The following SPATA13 variants were observed in gnomAD, a reference collection of about 807,000 sequenced individuals.
SPATA13 encodes the protein spermatogenesis associated 13.
A neutral mutation model predicts 104.0 loss-of-function variants in SPATA13; 50 were observed. The ratio of observed to expected loss-of-function variants is 0.48; its 90% CI spans 0.38 to 0.61. SPATA13 has a LOEUF of 0.61. Among genes scored for constraint, SPATA13 ranks in the 20% least tolerant of loss-of-function variants. The probability of loss-of-function intolerance (pLI) is 0.00; values close to 1 mark genes in which losing one functional copy is unlikely to be tolerated. For missense variants in SPATA13, 1,524 were observed against 1,690.6 expected, an observed-to-expected ratio of 0.90 and a Z score of 1.73; for synonymous variants, 606 against 667.5, an observed-to-expected ratio of 0.91 and a Z score of 1.42.
intron 3 of SPATA13, chr13:24,122,588 A>T (rs1881069575): frequency 1.3e-6 from 2 of 1,525,108 alleles, no homozygotes; most frequent in African/African-American, 2.8e-5. Context: ...ATTTTGTTGC[A>T]TGACACTCTG....
intron 2 of SPATA13, among the ~76,000 whole-genome samples, chr13:24,226,578 A>G (rs1871953536): frequency 6.6e-6 from 1 of 152,216 alleles, no homozygotes; most frequent in African/African-American, 2.4e-5. Flanking sequence ...AAATGCATTC[A>G]TGTGTATATA....
intron 1 of SPATA13, among the ~76,000 whole-genome samples, chr13:24,211,643 G>A (rs7320827): frequency 0.23 from 34,872 of 151,944 alleles, 4,377 homozygotes; most frequent in South Asian, 0.3. Flanking sequence ...CTCTCTCCAT[G>A]TTGTCCAGCT....
rs189045680 is a variant in SPATA13 at position 24,228,274 on chromosome 13, C to T, written c.1653+3692C>T. The stretch of plus-strand genomic sequence containing the variant: ...GACTACAGGCACCTGCCACCATGCC[C>T]GGCTCATGTTTTCTATTTTTTTAGT... On this transcript the variant is annotated intron_variant, in intron 2 of 12. Coordinates refer to ENST00000382108, the MANE Select transcript of SPATA13 (RefSeq NM_001166271.3). Among the ~76,000 whole-genome samples, 792 of 152,088 alleles carry T rather than the reference C, an allele frequency of 5.2e-3. 1 individual carries two copies. Among genetic ancestry groups the T allele is most frequent in the Non-Finnish European group, 8.1e-3 (553 of 67,984 alleles).
chr13:24,191,164 C>G (rs1031001967), intron 1 of SPATA13, among the ~76,000 whole-genome samples: 5 of 152,130 alleles, frequency 3.3e-5, no homozygotes, highest in African/African-American at 1.2e-4. Flanking sequence ...TTTGTAGAGA[C>G]AGCATCTCTC....
At chr13:24,288,952 A>C in intron 7 of SPATA13, 47 bp from the exon 8 acceptor site, 1 of 1,518,098 alleles carries the variant, frequency 6.6e-7, no homozygotes, top group East Asian at 2.3e-5. Flanking sequence ...TATTCAAATA[A>C]TTTATTTGGA....
At chr13:24,220,025 T>G (rs1172342296) in intron 1 of SPATA13, among the ~76,000 whole-genome samples, 2 of 152,192 alleles carry the variant, frequency 1.3e-5, no homozygotes, top group Admixed American at 1.3e-4. Flanking sequence ...TGTGTGTCGT[T>G]GACTGTTGCT....
intron 1 of SPATA13, among the ~76,000 whole-genome samples, chr13:24,169,537 C>T (rs1882879623): frequency 6.6e-6 from 1 of 152,200 alleles, no homozygotes; most frequent in African/African-American, 2.4e-5. Flanking sequence ...GACACCTTCT[C>T]CAGACTCTGC....
At chr13:24,141,792 C>T (rs759704870) in intron 3 of SPATA13, among the ~76,000 whole-genome samples, 56 of 152,314 alleles carry the variant, frequency 3.7e-4, no homozygotes, top group Non-Finnish European at 6.9e-4. Flanking sequence ...ATTAAGTGAA[C>T]GTTGTTATTT....
rs79371470 is a variant in SPATA13, at chr13:24,220,517, A to G, written c.-111-2302A>G. On this transcript the variant is annotated intron_variant, in intron 1 of 12. Transcript: ENST00000382108. Reference sequence around the variant, plus strand: ...TTCCCTATCCCTTCTAGAGCACATGAGGTTGGATAGGTGATATCAAATGTT... The same window carrying G: ...TTCCCTATCCCTTCTAGAGCACATGGGGTTGGATAGGTGATATCAAATGTT... Among the ~76,000 whole-genome samples the G allele has an allele frequency of 0.017, 2,533 of 152,278 alleles. 133 individuals carry two copies. The East Asian group carries it at 0.18, about 11-fold the overall frequency.
intron 3 of SPATA13, among the ~76,000 whole-genome samples, chr13:24,126,395 T>C (rs1881217217): frequency 6.6e-6 from 1 of 152,370 alleles, no homozygotes; most frequent in African/African-American, 2.4e-5. Context: ...CCTGTGGGGC[T>C]GACAGATTGC....
At chr13:24,291,911 C>T (rs553168087) in intron 9 of SPATA13, among the ~76,000 whole-genome samples, 7 of 150,614 alleles carry the variant, frequency 4.6e-5, no homozygotes, top group South Asian at 2.1e-4. Context: ...CGCCCGCCAC[C>T]GCGCCCGGCT....
intron 3 of SPATA13, among the ~76,000 whole-genome samples, chr13:24,107,365 C>G (rs1327085477): frequency 6.6e-6 from 1 of 151,340 alleles, no homozygotes; most frequent in Non-Finnish European, 1.5e-5. Flanking sequence ...GAAACGAGCA[C>G]TCCTCATCAC....
chr13:24,178,019 GCA>G (rs1477267568), intron 1 of SPATA13, among the ~76,000 whole-genome samples: 1 of 151,850 alleles, frequency 6.6e-6, no homozygotes, highest in Non-Finnish European at 1.5e-5. Flanking sequence ...ACTATGCCTG[GCA>G]AATTTCGTTT....
rs554032691 is a variant in SPATA13, at chr13:24,053,163, A to G, written c.-112+35462A>G. ...GATATAAAGCATCAAGTATCTGAGC[A>G]GCAAGAACATTTTTGTGTACTTGCA... is the stretch of plus-strand genomic sequence containing the variant. On this transcript the variant is annotated intron_variant, in intron 3 of 14. Coordinates refer to the SPATA13 transcript ENST00000424834. Among the ~76,000 whole-genome samples the G allele has an allele frequency of 8.5e-5, 13 of 152,234 alleles. No individual in the cohort carries two copies. The South Asian group carries it at 1.7e-3, about 19-fold the overall frequency.
intron 3 of SPATA13, among the ~76,000 whole-genome samples, chr13:24,041,057 T>C (rs777450398): frequency 1.3e-5 from 2 of 152,152 alleles, no homozygotes; most frequent in Non-Finnish European, 2.9e-5. Flanking sequence ...AAACAACAAA[T>C]ACAGCAAAAT....
rs544995053 is a variant in SPATA13, at chr13:24,040,690, C to T, written c.-112+22989C>T. Among the ~76,000 whole-genome samples, 23 of 152,310 alleles carry T rather than the reference C, an allele frequency of 1.5e-4. No individual in the cohort carries two copies. The South Asian group carries it at 4.8e-3, about 32-fold the overall frequency. ...TGAGGAGAATCCAACTAGGCCTCCT[C>T]TCCTGTGGATCCAAATTGTACCAAT... On this transcript the variant is annotated intron_variant, in intron 3 of 14. Coordinates refer to the SPATA13 transcript ENST00000424834.
chr13:24,075,084 C>T (rs1879283799), intron 3 of SPATA13, among the ~76,000 whole-genome samples: 1 of 152,238 alleles, frequency 6.6e-6, no homozygotes, highest in African/African-American at 2.4e-5. Context: ...TTAGGCCATA[C>T]TTAACTGAAC....
At position 24,294,727 on chromosome 13, in the gene SPATA13, C is replaced by T; in HGVS notation, c.3081-12C>T. The T allele has an allele frequency of 1.3e-6, 2 of 1,571,594 alleles. No individual in the cohort carries two copies. The highest frequency in any genetic ancestry group is 1.7e-6 in the Non-Finnish European group (2 of 1,146,134). On this transcript the variant is annotated splice_polypyrimidine_tract_variant and intron_variant, in intron 9 of 12. Coordinates refer to ENST00000382108, the MANE Select transcript of SPATA13 (RefSeq NM_001166271.3). ...CATGTTATGTGATTAAAATTAACCT[C>T]CCATCTTGCAGTGATTACAGCAACA...
chr13:24,145,580 C>T (rs1418418906), intron 3 of SPATA13, among the ~76,000 whole-genome samples: 2 of 152,212 alleles, frequency 1.3e-5, no homozygotes, highest in African/African-American at 2.4e-5. Flanking sequence ...GCCTGAATAA[C>T]AGCATTTGTG....
Sources: gnomAD v4.1 joint callset for allele counts (sites outside exome capture counted in the v4.1 genomes callset) on GRCh38, gnomAD v4.1.1 for gene constraint, MANE v1.5 for transcripts, NCBI Gene and HGNC (gene_info 2026-07-23, HGNC 2026-07-21) for gene names.